The following DNAH14 variants were observed in gnomAD, a reference collection of about 807,000 sequenced individuals.
DNAH14 encodes axonemal beta dynein heavy chain 14.
A neutral mutation model predicts 520.9 loss-of-function variants in DNAH14; 478 were observed. The ratio of observed to expected loss-of-function variants is 0.92; its 90% CI spans 0.85 to 0.99. The LOEUF (loss-of-function observed/expected upper bound fraction) is 0.99. Ranked by LOEUF, DNAH14 falls within the 50% of genes least tolerant of loss-of-function variation. DNAH14 has a pLI of 0.00. For synonymous variants in DNAH14, 1,581 were observed against 1,757.2 expected (o/e 0.90, Z 2.51); for missense variants, 4,831 against 5,234.5 (o/e 0.92, Z 2.38).
intron 36 of DNAH14, among the ~76,000 whole-genome samples, chr1:225,173,720 G>A (rs1158130505): frequency 7.2e-5 from 11 of 152,174 alleles, no homozygotes; most frequent in Non-Finnish European, 1.5e-4. Context: ...CAGGGATCTT[G>A]AACTAGAAAT....
At position 225,043,788 on chromosome 1, in the gene DNAH14, GAGTA is replaced by G. The variant is rs763927132; in HGVS notation, c.1814+4_1814+7del. 53 of 1,463,886 alleles carry G rather than the reference GAGTA, an allele frequency of 3.6e-5. No individual in the cohort carries two copies. Among genetic ancestry groups the G allele is most frequent in the East Asian group, 3.2e-4 (13 of 40,242 alleles). The allele number at this position is 1,463,886 out of a possible 1,614,324, so 90.7% of individuals were successfully genotyped here. A position where few individuals can be genotyped will look rare whatever the true frequency, so the allele number is the denominator to read the frequency against. ...GTTTGAGAATAAATACATGTATTAT[GAGTA>G]AGTATTAGACATTTTAAAAATTACG... On this transcript the variant is annotated splice_donor_variant and splice_donor_region_variant and coding_sequence_variant and intron_variant, in exon 14 of 86. Transcript: ENST00000682510. LOFTEE classifies it high-confidence loss of function.
intron 46 of DNAH14, 39 bp downstream of exon 46, chr1:225,259,292 T>C: frequency 7.6e-7 from 1 of 1,323,906 alleles, no homozygotes. Context: ...TTGTCTGATT[T>C]TAAAAAGTGT....
chr1:224,935,118 T>C (rs1334443804), intron 1 of DNAH14, among the ~76,000 whole-genome samples: 1 of 151,736 alleles, frequency 6.6e-6, no homozygotes, highest in African/African-American at 2.4e-5. Context: ...GGGAAAGCAC[T>C]CAAATGATAC....
intron 56 of DNAH14, among the ~76,000 whole-genome samples, chr1:225,302,946 C>T (rs886524163): frequency 6.6e-6 from 1 of 152,150 alleles, no homozygotes; most frequent in Non-Finnish European, 1.5e-5. Flanking sequence ...TTGGTTTACG[C>T]AAGGGGTGTT....
chr1:225,272,014 AAT>A lies in DNAH14; in HGVS notation c.7783_7784del (p.Met2595ValfsTer12), dbSNP rs2093327719. The A allele has an allele frequency of 6.4e-7, 1 of 1,550,806 alleles. No individual in the cohort carries two copies. The highest frequency in any genetic ancestry group is 2.0e-5 in the Admixed American group (1 of 50,940). The stretch of plus-strand genomic sequence containing the variant: ...AGCTATATACCATCAAGTACGTCAG[AAT>A]ATGTTACCAACTCCAACAAAATGTC... ...SLAIYHQVRQ[N>X]MLPTPTKCHY... On this transcript the variant is annotated frameshift_variant, in exon 51 of 86. Transcript: ENST00000682510. LOFTEE classifies it high-confidence loss of function.
At position 225,172,019 on chromosome 1, in the gene DNAH14, A is replaced by G. The variant is rs185166346; in HGVS notation, c.5535+3991A>G. On this transcript the variant is annotated intron_variant, in intron 36 of 85. Coordinates refer to ENST00000682510, the MANE Select transcript of DNAH14 (RefSeq NM_001367479.1). ...AAACAGAACCAACGACAAAAACCAC[A>G]TGATTATCTCAATAGATGCAGAAAA... 5.0e-3 allele frequency among the ~76,000 whole-genome samples: 764 copies of G among 152,334 alleles called. 6 individuals carry two copies. Among genetic ancestry groups the G allele is most frequent in the African/African-American group, 0.017 (719 of 41,578 alleles).
intron 41 of DNAH14, among the ~76,000 whole-genome samples, chr1:225,228,741 A>G (rs565871660): frequency 6.6e-6 from 1 of 152,332 alleles, no homozygotes; most frequent in Admixed American, 6.5e-5. Context: ...CTGTTGCTGC[A>G]TGCGTCTGTA....
At chr1:225,249,628 C>CA (rs1175381872) in intron 43 of DNAH14, among the ~76,000 whole-genome samples, 1 of 152,164 alleles carries the variant, frequency 6.6e-6, no homozygotes. Flanking sequence ...CAAATTCACC[C>CA]ACTTCAAATA....
chr1:225,250,764 G>A, intron 43 of DNAH14: 1 of 476,478 alleles, frequency 2.1e-6, no homozygotes, highest in Non-Finnish European at 3.9e-6. Context: ...GTGTAAATGG[G>A]CTTGGGATTG....
intron 17 of DNAH14, among the ~76,000 whole-genome samples, chr1:225,077,135 A>T (rs2072391595): frequency 6.6e-6 from 1 of 152,192 alleles, no homozygotes; most frequent in South Asian, 2.1e-4. Context: ...TTATAAATGA[A>T]TTTTATCAAA....
chr1:225,118,555 C>G (rs1478917167), intron 25 of DNAH14, among the ~76,000 whole-genome samples: 2 of 152,042 alleles, frequency 1.3e-5, no homozygotes, highest in East Asian at 3.9e-4. Context: ...TCTTATCTAC[C>G]AAAATCCCTA....
At chr1:224,947,394 A>T (rs1160844717) in intron 1 of DNAH14, among the ~76,000 whole-genome samples, 1 of 151,948 alleles carries the variant, frequency 6.6e-6, no homozygotes, top group African/African-American at 2.4e-5. Context: ...TTATTCTTCT[A>T]TATAAATTTT....
At chr1:225,203,107 C>T (rs2087076438) in intron 38 of DNAH14, among the ~76,000 whole-genome samples, 1 of 152,166 alleles carries the variant, frequency 6.6e-6, no homozygotes, top group African/African-American at 2.4e-5. Flanking sequence ...TCTGTGGGTT[C>T]TCTCGGCTTT....
chr1:225,193,550 A>G (rs575120091), intron 38 of DNAH14, among the ~76,000 whole-genome samples: 1 of 152,090 alleles, frequency 6.6e-6, no homozygotes, highest in East Asian at 1.9e-4. Context: ...TATTAAAACT[A>G]AATAGGTTAA....
chr1:225,145,250 T>G (rs763779508), intron 29 of DNAH14, 76 bp from the exon 30 acceptor site: 112 of 1,187,540 alleles, frequency 9.4e-5, no homozygotes, highest in Non-Finnish European at 1.3e-4. Flanking sequence ...AAAGACATTT[T>G]ATTACTCTAG....
intron 21 of DNAH14, among the ~76,000 whole-genome samples, chr1:225,087,508 T>C (rs2073949955): frequency 6.6e-6 from 1 of 152,138 alleles, no homozygotes; most frequent in Admixed American, 6.5e-5. Context: ...TATGGAACAA[T>C]GGTTTTCGGG....
At chr1:225,265,609 G>C (rs1182287771) in intron 48 of DNAH14, among the ~76,000 whole-genome samples, 1 of 152,108 alleles carries the variant, frequency 6.6e-6, no homozygotes, top group Non-Finnish European at 1.5e-5. Flanking sequence ...TCTTGCTAAA[G>C]AGAAGTAGAC....
At chr1:225,333,916 A>G (rs1574836849) in intron 66 of DNAH14, among the ~76,000 whole-genome samples, 1 of 152,306 alleles carries the variant, frequency 6.6e-6, no homozygotes, top group East Asian at 1.9e-4. Context: ...TGTAAATCCT[A>G]TGCTGATGTT....
At chr1:225,262,208 A>C (rs1285458184) in intron 46 of DNAH14, among the ~76,000 whole-genome samples, 1 of 150,734 alleles carries the variant, frequency 6.6e-6, no homozygotes, top group Non-Finnish European at 1.5e-5. Flanking sequence ...TTTCTTGCTA[A>C]TTTGTTTGAG....
Sources: allele counts gnomAD v4.1 joint callset (sites outside exome capture counted in the v4.1 genomes callset), GRCh38; gene constraint gnomAD v4.1.1; transcripts MANE v1.5; gene names NCBI Gene and HGNC (gene_info 2026-07-23, HGNC 2026-07-21).